UGCG: variants seen among roughly 807,000 people sequenced by gnomAD.
UGCG encodes UDP-glucose ceramide glucosyltransferase.
In UGCG, 10 loss-of-function variants were observed where a neutral mutation model predicts 49.5. That is an observed-to-expected ratio of 0.20 (90% confidence interval 0.12 to 0.34). The LOEUF (loss-of-function observed/expected upper bound fraction) is 0.34. Among genes scored for constraint, UGCG ranks in the 10% least tolerant of loss-of-function variants. UGCG has a pLI of 1.00. For synonymous variants in UGCG, 182 were observed against 158.2 expected (o/e 1.15, Z -1.13); for missense variants, 312 against 483.7 (o/e 0.65, Z 3.33).
chr9:111,926,861 C>CTTTTTTTTTTTTTTTT lies in UGCG; in HGVS notation c.558+379_558+394dup, dbSNP rs56298523. Among the ~76,000 whole-genome samples the CTTTTTTTTTTTTTTTT allele has an allele frequency of 1.1e-4, 6 of 56,848 alleles. 3 individuals carry two copies. The highest frequency in any genetic ancestry group is 2.2e-4 in the Non-Finnish European group (6 of 27,516). The allele number at this position is 56,848 out of a possible 152,430, so 37.3% of individuals were successfully genotyped here. A position where few individuals can be genotyped will look rare whatever the true frequency, so the allele number is the denominator to read the frequency against. Reference sequence around the variant, plus strand: ...GAACCGCTGGCCCCCTCCCCCCAGCCTTTTTTTTTTTTTTTTTTTTTTTTT... The same window carrying CTTTTTTTTTTTTTTTT: ...GAACCGCTGGCCCCCTCCCCCCAGCCTTTTTTTTTTTTTTTTTTTTTTTTTTTTTTTTTTTTTTTTT... On this transcript the variant is annotated intron_variant, in intron 5 of 8. Transcript: ENST00000374279.
intron 2 of UGCG, among the ~76,000 whole-genome samples, chr9:111,917,764 A>G (rs769071226): frequency 2.0e-5 from 3 of 152,230 alleles, no homozygotes; most frequent in African/African-American, 4.8e-5. Flanking sequence ...GTCTACTTTT[A>G]TACTGATACT....
intron 2 of UGCG, chr9:111,915,706 C>A (rs900793708): frequency 1.2e-6 from 1 of 822,102 alleles, no homozygotes. Context: ...ATGATATGCG[C>A]ACTACACTTC....
At chr9:111,909,186 C>A (rs1190032630) in intron 1 of UGCG, among the ~76,000 whole-genome samples, 1 of 152,068 alleles carries the variant, frequency 6.6e-6, no homozygotes, top group Non-Finnish European at 1.5e-5. Context: ...TCCCAAAGTG[C>A]TAGAATTATA....
In UGCG at chr9:111,897,313, C is replaced by A; in HGVS notation, c.98C>A (p.Thr33Asn). The A allele has an allele frequency of 5.1e-6, 8 of 1,553,696 alleles. No homozygotes were observed. Among genetic ancestry groups the A allele is most frequent in the Non-Finnish European group, 7.0e-6 (8 of 1,149,304 alleles). Residue 33 changes from threonine (T) to asparagine (N), a missense_variant and splice_region_variant, in exon 1 of 9, where the codon ACC (threonine) becomes AAC (asparagine). By Grantham distance (65) the Thr-to-Asn change is moderately conservative (BLOSUM62 0). Coordinates refer to ENST00000374279, the MANE Select transcript of UGCG (RefSeq NM_003358.3). ...ATGCATTTCATGGCTATCATCTACA[C>A]GTGAGTGAGGGACCGCAGGAGGGGC... The part of the protein sequence containing the change: ...WLMHFMAIIY[T>N]RLHLNKKATD...
At chr9:111,899,180 A>G (rs1837721867) in intron 1 of UGCG, among the ~76,000 whole-genome samples, 1 of 152,234 alleles carries the variant, frequency 6.6e-6, no homozygotes, top group Non-Finnish European at 1.5e-5. Flanking sequence ...ATATGCATAC[A>G]TCTTTGAGAA....
chr9:111,899,060 A>G (rs1837718935), intron 1 of UGCG, among the ~76,000 whole-genome samples: 1 of 152,208 alleles, frequency 6.6e-6, no homozygotes, highest in Non-Finnish European at 1.5e-5. Context: ...CATTTGTAAT[A>G]GATGCATGAT....
rs193299382 is a variant in UGCG at position 111,916,937 on chromosome 9, G to A, written c.240+2191G>A. On this transcript the variant is annotated intron_variant, in intron 2 of 8. Transcript: ENST00000374279. ...AGGCGGGAGGATTGCTTGAGGCCAGGTGTTCAAGACCAGCCTGGGCAACAC... is the reference window on the plus strand; with the variant it reads ...AGGCGGGAGGATTGCTTGAGGCCAGATGTTCAAGACCAGCCTGGGCAACAC... 5.8e-3 allele frequency among the ~76,000 whole-genome samples: 876 copies of A among 151,688 alleles called. 11 individuals are homozygous for A. The highest frequency in any genetic ancestry group is 6.5e-3 in the Non-Finnish European group (440 of 67,870).
intron 4 of UGCG, 45 bp from the exon 5 acceptor site, chr9:111,926,339 C>T (rs1267863451): frequency 7.1e-7 from 1 of 1,411,448 alleles, no homozygotes; most frequent in Non-Finnish European, 9.7e-7. Flanking sequence ...CTACTAAAAA[C>T]AAATTTTCTT....
intron 7 of UGCG, 93 bp downstream of exon 7, chr9:111,931,450 A>AC: frequency 8.6e-7 from 1 of 1,168,070 alleles, no homozygotes; most frequent in South Asian, 1.4e-5. Context: ...AAATGAATGT[A>AC]CCTAAAGGTT....
At chr9:111,919,848 T>TA (rs1838188807) in intron 2 of UGCG, among the ~76,000 whole-genome samples, 2 of 152,084 alleles carry the variant, frequency 1.3e-5, no homozygotes, top group Non-Finnish European at 2.9e-5. Context: ...AAGGAACTCT[T>TA]TAGAGCAAGC....
chr9:111,914,925 G>T, intron 2 of UGCG, 179 bp downstream of exon 2: 1 of 864,176 alleles, frequency 1.2e-6, no homozygotes. Flanking sequence ...GTTGAGGAAG[G>T]GGTGTAAATT....
In UGCG at chr9:111,933,536, AG is replaced by A. The variant is rs1394295061; in HGVS notation, c.*540del. 6.6e-6 allele frequency: 1 copy of A among 152,228 alleles called. No homozygotes were observed. The highest frequency in any genetic ancestry group is 2.4e-5 in the African/African-American group (1 of 41,460). The allele number at this position is 152,228 out of a possible 1,614,324, so 9.4% of individuals were successfully genotyped here. On this transcript the variant is annotated 3_prime_UTR_variant, in exon 9 of 9. Coordinates refer to ENST00000374279, the MANE Select transcript of UGCG (RefSeq NM_003358.3). ...TATGCCTACCTCTTGTAGTTGTTGC[AG>A]AGCAAATATAAATTGTAATAAGATA...
intron 8 of UGCG, 44 bp downstream of exon 8, chr9:111,932,403 C>G (rs1442224979): frequency 6.5e-7 from 1 of 1,538,586 alleles, no homozygotes; most frequent in African/African-American, 1.4e-5. Flanking sequence ...CTTGGTGGAA[C>G]TAGAACTATT....
At chr9:111,915,343 G>C (rs1838092906) in intron 2 of UGCG, among the ~76,000 whole-genome samples, 1 of 152,262 alleles carries the variant, frequency 6.6e-6, no homozygotes, top group South Asian at 2.1e-4. Context: ...CAGTTTTCTT[G>C]AGATGAAAGT....
At chr9:111,899,845 A>G (rs1837735850) in intron 1 of UGCG, among the ~76,000 whole-genome samples, 2 of 152,164 alleles carry the variant, frequency 1.3e-5, no homozygotes, top group Admixed American at 1.3e-4. Context: ...GTCCAGAATT[A>G]CTTATCAGAT....
intron 6 of UGCG, among the ~76,000 whole-genome samples, chr9:111,930,252 C>T (rs1057338717): frequency 6.6e-6 from 1 of 152,042 alleles, no homozygotes; most frequent in Non-Finnish European, 1.5e-5. Context: ...GTAAGTTTCT[C>T]TGTGTTTAGA....
intron 1 of UGCG, among the ~76,000 whole-genome samples, chr9:111,900,373 AC>A (rs1287782179): frequency 2.6e-5 from 4 of 152,100 alleles, no homozygotes; most frequent in African/African-American, 9.6e-5. Context: ...TTATCTTTCG[AC>A]TGGAGGTGCT....
intron 3 of UGCG, 94 bp from the exon 4 acceptor site, chr9:111,924,683 A>G (rs1838286884): frequency 2.1e-6 from 1 of 477,254 alleles, no homozygotes; most frequent in Non-Finnish European, 3.6e-6. Context: ...ATTATTAAAT[A>G]TGCAAGTATT....
chr9:111,926,313 T>G (rs1423752720), intron 4 of UGCG, 71 bp from the exon 5 acceptor site: 1 of 869,222 alleles, frequency 1.2e-6, no homozygotes, highest in East Asian at 2.6e-5. Flanking sequence ...AAATATATTT[T>G]ATATTAATGG....
Sources: gnomAD v4.1 joint callset for allele counts (sites outside exome capture counted in the v4.1 genomes callset) on GRCh38, gnomAD v4.1.1 for gene constraint, MANE v1.5 for transcripts, NCBI Gene and HGNC (gene_info 2026-07-23, HGNC 2026-07-21) for gene names.